Variants in TSPAN7 observed in about 807,000 individuals in gnomAD.
TSPAN7 encodes tetraspanin-7.
TSPAN7 carries 1 observed loss-of-function variant against 17.6 expected under a neutral mutation model. That is an observed-to-expected ratio of 0.06 (90% confidence interval 0.02 to 0.27). TSPAN7 has a LOEUF of 0.27. Ranked by LOEUF, TSPAN7 falls within the 10% of genes least tolerant of loss-of-function variation. The probability of loss-of-function intolerance (pLI) is 1.00; values close to 1 mark genes in which losing one functional copy is unlikely to be tolerated. For synonymous variants in TSPAN7, 78 were observed against 79.0 expected, an observed-to-expected ratio of 0.99 and a Z score of 0.07; for missense variants, 112 against 201.7, an observed-to-expected ratio of 0.56 and a Z score of 2.69.
At chrX:38,618,326 C>T (rs1003674401) in intron 1 of TSPAN7, among the ~76,000 whole-genome samples, 3 of 112,146 alleles carry the variant, frequency 2.7e-5, no homozygotes, top group Non-Finnish European at 5.6e-5. Flanking sequence ...TGTGCATTTC[C>T]GGAGAATGGG....
At chrX:38,666,729 G>A (rs888657559) in intron 2 of TSPAN7, among the ~76,000 whole-genome samples, 6 of 110,028 alleles carry the variant, frequency 5.5e-5, no homozygotes, top group Non-Finnish European at 9.5e-5. Flanking sequence ...CTCCCAAGTA[G>A]CTGGGACTAC....
At chrX:38,655,216 G>T (rs752361831) in intron 1 of TSPAN7, among the ~76,000 whole-genome samples, 1 of 111,779 alleles carries the variant, frequency 8.9e-6, no homozygotes, top group South Asian at 3.8e-4. Context: ...GGGCAAGGGT[G>T]GATGCAAGGG....
At chrX:38,625,440 C>T (rs1019931975) in intron 1 of TSPAN7, among the ~76,000 whole-genome samples, 1 of 111,647 alleles carries the variant, frequency 9.0e-6, no homozygotes, top group Admixed American at 9.6e-5. Context: ...GCAGAAGTAA[C>T]GTATGCCACC....
chrX:38,651,143 G>A (rs2069673830), intron 1 of TSPAN7, among the ~76,000 whole-genome samples: 2 of 109,882 alleles, frequency 1.8e-5, no homozygotes, highest in South Asian at 4.0e-4. Flanking sequence ...CAGATAAGGT[G>A]TACCCAAAGT....
At chrX:38,633,814 AT>A (rs1362009341) in intron 1 of TSPAN7, among the ~76,000 whole-genome samples, 1 of 112,459 alleles carries the variant, frequency 8.9e-6, no homozygotes, top group Non-Finnish European at 1.9e-5. Flanking sequence ...AAGGAATAAT[AT>A]TTTAATACCT....
chrX:38,666,766 T>C (rs954533750), intron 2 of TSPAN7, among the ~76,000 whole-genome samples: 11 of 109,580 alleles, frequency 1.0e-4, no homozygotes, highest in Non-Finnish European at 1.9e-4. Flanking sequence ...GCCCAGCTAA[T>C]TTTTTTTGTA....
At chrX:38,568,296 GT>G (rs370418738) in intron 1 of TSPAN7, among the ~76,000 whole-genome samples, 7,997 of 92,979 alleles carry the variant, frequency 0.086, 646 homozygotes, top group African/African-American at 0.25. Flanking sequence ...CTTCCTTGGT[GT>G]TTTTTTTTTT....
chrX:38,617,132 G>A (rs2069459998), intron 1 of TSPAN7, among the ~76,000 whole-genome samples: 1 of 111,831 alleles, frequency 8.9e-6, no homozygotes, highest in Admixed American at 9.5e-5. Flanking sequence ...GAGCCTGGCT[G>A]GTTGCATTCG....
chrX:38,687,156 T>A lies in TSPAN7; in HGVS notation c.682-443T>A, dbSNP rs768503239. 5.3e-5 allele frequency among the ~76,000 whole-genome samples: 6 copies of A among 112,359 alleles called. No homozygotes were observed. The East Asian group carries it at 1.7e-3, about 31-fold the overall frequency. On this transcript the variant is annotated intron_variant, in intron 6 of 7. Transcript: ENST00000378482. ...TGAGACATCATAGTATGCTGAGAAA[T>A]CTTCCAAATGCATGTGCTATAGATG... is the stretch of plus-strand genomic sequence containing the variant.
intron 1 of TSPAN7, among the ~76,000 whole-genome samples, chrX:38,657,502 T>C (rs2069711513): frequency 8.9e-6 from 1 of 111,877 alleles, no homozygotes; most frequent in African/African-American, 3.3e-5. Context: ...CTCCCCAGGA[T>C]GAGTACAGAG....
chrX:38,591,679 A>G (rs1343740919), intron 1 of TSPAN7, among the ~76,000 whole-genome samples: 1 of 111,967 alleles, frequency 8.9e-6, no homozygotes, highest in Non-Finnish European at 1.9e-5. Flanking sequence ...TGTGTTTTGA[A>G]GCTGTTCTGA....
At chrX:38,677,800 T>A (rs1180006591) in intron 5 of TSPAN7, among the ~76,000 whole-genome samples, 3 of 112,701 alleles carry the variant, frequency 2.7e-5, no homozygotes, top group Non-Finnish European at 5.6e-5. Flanking sequence ...CCTGACTCAA[T>A]GTCAGACACC....
At chrX:38,681,335 C>T (rs1356623283) in intron 6 of TSPAN7, 48 bp downstream of exon 6, 4 of 1,040,813 alleles carry the variant, frequency 3.8e-6, no homozygotes, top group Non-Finnish European at 2.7e-6. Flanking sequence ...TCCTCTGCCT[C>T]CCTCCCTGGC....
chrX:38,681,766 T>G (rs1348207133), intron 6 of TSPAN7, among the ~76,000 whole-genome samples: 1 of 112,118 alleles, frequency 8.9e-6, no homozygotes, highest in African/African-American at 3.2e-5. Context: ...TTTCTAAGTT[T>G]GGCTATTCGT....
rs1052914210 is a variant in TSPAN7 at position 38,589,322 on chromosome X, A to T, written c.81+27695A>T. Among the ~76,000 whole-genome samples the T allele has an allele frequency of 6.3e-5, 7 of 111,576 alleles. No homozygotes were observed. In the East Asian group the frequency reaches 8.4e-4, roughly 13 times the overall value. On this transcript the variant is annotated intron_variant, in intron 1 of 7. Coordinates refer to ENST00000378482, the MANE Select transcript of TSPAN7 (RefSeq NM_004615.4). ...TAACAATACCATTAAATGGCCATGTATTTTTTCATCCTGAGGTTCATTTAT... is the reference window on the plus strand; with the variant it reads ...TAACAATACCATTAAATGGCCATGTTTTTTTTCATCCTGAGGTTCATTTAT...
At chrX:38,625,886 C>A (rs1191521460) in intron 1 of TSPAN7, among the ~76,000 whole-genome samples, 1 of 111,590 alleles carries the variant, frequency 9.0e-6, no homozygotes, top group Non-Finnish European at 1.9e-5. Context: ...TTCGTGGGAC[C>A]AAGTAGGTAG....
rs767898963 is a variant in TSPAN7, at chrX:38,591,421, A to G, written c.81+29794A>G. On this transcript the variant is annotated intron_variant, in intron 1 of 7. Coordinates refer to ENST00000378482, the MANE Select transcript of TSPAN7 (RefSeq NM_004615.4). ...TATGACTTGAATCCTTTACAGATTT[A>G]TTGGGTTTTGTTTAATAGCCAAGAA... 5.1e-4 allele frequency among the ~76,000 whole-genome samples: 57 copies of G among 111,677 alleles called. No homozygotes were observed. The Middle Eastern group carries it at 0.023, about 46-fold the overall frequency.
chrX:38,624,916 G>C (rs1359597958), intron 1 of TSPAN7, among the ~76,000 whole-genome samples: 1 of 112,446 alleles, frequency 8.9e-6, no homozygotes. Flanking sequence ...TACAACTAAG[G>C]TTTGAGAGTT....
intron 1 of TSPAN7, among the ~76,000 whole-genome samples, chrX:38,606,763 T>G (rs1479885396): frequency 8.9e-6 from 1 of 112,300 alleles, no homozygotes; most frequent in Non-Finnish European, 1.9e-5. Context: ...GGAAGTATTT[T>G]TAAATGATTA....
Sources: gnomAD v4.1 joint callset for allele counts (sites outside exome capture counted in the v4.1 genomes callset) on GRCh38, gnomAD v4.1.1 for gene constraint, MANE v1.5 for transcripts, NCBI Gene and HGNC (gene_info 2026-07-23, HGNC 2026-07-21) for gene names.